N4BP1: variants seen among roughly 807,000 people sequenced by gnomAD.
The protein encoded by N4BP1 is NEDD4-binding protein 1.
In N4BP1, 21 loss-of-function variants were observed where a neutral mutation model predicts 70.9. The observed-to-expected ratio is 0.30, with a 90% confidence interval of 0.21 to 0.43. The LOEUF (loss-of-function observed/expected upper bound fraction) is 0.43. N4BP1 is among the 20% of genes least tolerant of loss of function. The probability of loss-of-function intolerance (pLI) is 1.00; values close to 1 mark genes in which losing one functional copy is unlikely to be tolerated. For synonymous variants in N4BP1, 387 were observed against 394.6 expected, an observed-to-expected ratio of 0.98 and a Z score of 0.23; for missense variants, 936 against 1,069.4, an observed-to-expected ratio of 0.88 and a Z score of 1.74.
chr16:48,598,412 A>C (rs374266740), intron 1 of N4BP1, among the ~76,000 whole-genome samples: 2 of 152,162 alleles, frequency 1.3e-5, no homozygotes, highest in East Asian at 3.9e-4. Context: ...TTTTTAAGGG[A>C]TCATTAATAA....
Position 48,610,142 on chromosome 16 carries a change from A to G in N4BP1, c.-170T>C, listed in dbSNP as rs1964663352. 5.3e-6 allele frequency: 1 copy of G among 189,422 alleles called. No individual in the cohort carries two copies. The highest frequency in any genetic ancestry group is 9.9e-6 in the Non-Finnish European group (1 of 101,394). The allele number at this position is 189,422 out of a possible 1,614,324, so 11.7% of individuals were successfully genotyped here. Reference sequence around the variant, plus strand: ...GGCCCGGCTATACCATCCCGCCACGACCGCAGCAGCTTGGCAATTGCTGGC... The same window carrying G: ...GGCCCGGCTATACCATCCCGCCACGGCCGCAGCAGCTTGGCAATTGCTGGC... On this transcript the variant is annotated 5_prime_UTR_variant, in exon 1 of 7. Coordinates refer to ENST00000262384, the MANE Select transcript of N4BP1 (RefSeq NM_153029.4).
At chr16:48,607,801 TA>T (rs975818749) in intron 1 of N4BP1, among the ~76,000 whole-genome samples, 4 of 152,222 alleles carry the variant, frequency 2.6e-5, no homozygotes, top group African/African-American at 4.8e-5. Flanking sequence ...TCCAACTGAC[TA>T]AAAAAGTTAA....
chr16:48,582,625 G>A (rs1335020266), intron 1 of N4BP1, among the ~76,000 whole-genome samples: 2 of 152,014 alleles, frequency 1.3e-5, no homozygotes, highest in African/African-American at 4.8e-5. Context: ...TCTATTATTA[G>A]TAATTGTCGT....
chr16:48,551,553 T>G (rs2151086323), intron 3 of N4BP1, 71 bp from the exon 4 acceptor site: 2 of 1,085,924 alleles, frequency 1.8e-6, no homozygotes, highest in South Asian at 1.5e-5. Flanking sequence ...GAAATGAAAG[T>G]ACACTCAAAT....
intron 1 of N4BP1, among the ~76,000 whole-genome samples, chr16:48,585,755 G>A (rs1964237472): frequency 6.6e-6 from 1 of 152,008 alleles, no homozygotes; most frequent in Non-Finnish European, 1.5e-5. Flanking sequence ...GCGTGCAGTG[G>A]CATGATCTTG....
intron 1 of N4BP1, among the ~76,000 whole-genome samples, chr16:48,595,834 TAAGTA>T (rs1964404642): frequency 6.6e-6 from 1 of 152,316 alleles, no homozygotes; most frequent in African/African-American, 2.4e-5. Flanking sequence ...TGACCTGTGG[TAAGTA>T]AAGAATGTCA....
intron 5 of N4BP1, among the ~76,000 whole-genome samples, chr16:48,547,475 T>A (rs1963605871): frequency 6.6e-6 from 1 of 152,258 alleles, no homozygotes; most frequent in African/African-American, 2.4e-5. Flanking sequence ...TTATTTTGGA[T>A]GATATCTAAA....
chr16:48,605,622 G>A (rs1597117000), intron 1 of N4BP1, among the ~76,000 whole-genome samples: 1 of 152,032 alleles, frequency 6.6e-6, no homozygotes, highest in Non-Finnish European at 1.5e-5. Context: ...TGCCTCTCTA[G>A]CCCCTGTATT....
At chr16:48,586,683 G>C (rs1023912518) in intron 1 of N4BP1, among the ~76,000 whole-genome samples, 3 of 152,132 alleles carry the variant, frequency 2.0e-5, no homozygotes, top group Non-Finnish European at 4.4e-5. Context: ...ATCTCTGGAG[G>C]TTCCTAAAGG....
At chr16:48,570,830 CTTTT>C (rs753288261) in intron 1 of N4BP1, among the ~76,000 whole-genome samples, 27 of 151,930 alleles carry the variant, frequency 1.8e-4, no homozygotes, top group Non-Finnish European at 3.8e-4. Context: ...TCTTGCTAAA[CTTTT>C]TTTGAGATAA....
At chr16:48,548,237 G>A (rs954153101) in intron 4 of N4BP1, 123 bp from the exon 5 acceptor site, 5 of 655,030 alleles carry the variant, frequency 7.6e-6, no homozygotes, top group Admixed American at 2.9e-5. Context: ...CCAAGGCTAG[G>A]CCACAGAAAA....
intron 1 of N4BP1, among the ~76,000 whole-genome samples, chr16:48,580,212 GAA>G (rs1964156686): frequency 6.6e-6 from 1 of 151,886 alleles, no homozygotes; most frequent in African/African-American, 2.4e-5. Context: ...GCTAGACTAA[GAA>G]AAAAGAGGAG....
rs1963444587 is a variant in N4BP1, at chr16:48,538,884, CAGAGTGGCAAGTGCTCAAAGCGAG to C, written c.*3996_*4019del. On this transcript the variant is annotated 3_prime_UTR_variant, in exon 7 of 7. Transcript: ENST00000262384. ...CACAATCAGTGGCAGCAGCACCAGC[CAGAGTGGCAAGTGCTCAAAGCGAG>C]ACACAAAGTGCTGTGCGGTCACAAC... The C allele has an allele frequency of 6.6e-6, 1 of 152,326 alleles. No individual in the cohort carries two copies. The highest frequency in any genetic ancestry group is 1.5e-5 in the Non-Finnish European group (1 of 68,166). The allele number at this position is 152,326 out of a possible 1,614,324, so 9.4% of individuals were successfully genotyped here.
Position 48,562,138 on chromosome 16 carries a change from C to T in N4BP1, c.505G>A (p.Asp169Asn). The T allele has an allele frequency of 1.2e-6, 2 of 1,614,006 alleles. No individual in the cohort carries two copies. Among genetic ancestry groups the T allele is most frequent in the Non-Finnish European group, 1.7e-6 (2 of 1,179,898 alleles). The change falls in exon 2 of 7, where the codon GAC (aspartate) becomes AAC (asparagine). Residue 169 changes from aspartate (D) to asparagine (N), a missense_variant. Asp to Asn is a conservative substitution (Grantham distance 23, BLOSUM62 1). Around this residue, in one of 4 missense-constraint regions of N4BP1, gnomAD observed 187 missense variants for 217.1 expected, o/e 0.86. Transcript: ENST00000262384. ...EFKQFVEAHA[D>N]NYTMDLLILP... Reference sequence around the variant, plus strand: ...ATCAACAAATCCATTGTGTAATTGTCTGCATGGGCTTCAACAAATTGTTTG... The same window carrying T: ...ATCAACAAATCCATTGTGTAATTGTTTGCATGGGCTTCAACAAATTGTTTG...
intron 1 of N4BP1, among the ~76,000 whole-genome samples, chr16:48,600,914 T>C (rs1428311534): frequency 6.6e-6 from 1 of 152,210 alleles, no homozygotes; most frequent in Non-Finnish European, 1.5e-5. Flanking sequence ...GTTATGCCAA[T>C]TGGATAATGG....
chr16:48,543,378 C>A, intron 6 of N4BP1, 117 bp from the exon 7 acceptor site: 1 of 826,858 alleles, frequency 1.2e-6, no homozygotes, highest in Non-Finnish European at 1.8e-6. Flanking sequence ...CCCTGGCTTC[C>A]AAAGGCAGGA....
At chr16:48,598,993 T>G (rs1378299566) in intron 1 of N4BP1, among the ~76,000 whole-genome samples, 2 of 152,114 alleles carry the variant, frequency 1.3e-5, no homozygotes, top group African/African-American at 4.8e-5. Flanking sequence ...AAATGGATGT[T>G]ATGTCTGGTA....
At position 48,546,464 on chromosome 16, in the gene N4BP1, T is replaced by C. The variant is rs559357094; in HGVS notation, c.2226-210A>G. 9 of 379,556 alleles carry C rather than the reference T, an allele frequency of 2.4e-5. No homozygotes were observed. In the Admixed American group the frequency reaches 4.1e-4, roughly 17 times the overall value. 23.5% of individuals were successfully genotyped at this position (379,556 alleles called of 1,614,324 possible). On this transcript the variant is annotated intron_variant, in intron 5 of 6. Transcript: ENST00000262384. ...ACACAAAAACAATAGTCAGAACGTT[T>C]TATCAGCTGGCCCTCAAATTTCTCA... is the stretch of plus-strand genomic sequence containing the variant.
rs1384421387 is a variant in N4BP1, at chr16:48,542,848, T to C, written c.*56A>G. ...TGTTCATTCCCATCAGGTACAGGTGTGAGCTTGAGTTTGATCAGCCAGCCC... is the reference window on the plus strand; with the variant it reads ...TGTTCATTCCCATCAGGTACAGGTGCGAGCTTGAGTTTGATCAGCCAGCCC... On this transcript the variant is annotated 3_prime_UTR_variant, in exon 7 of 7. Coordinates refer to ENST00000262384, the MANE Select transcript of N4BP1 (RefSeq NM_153029.4). 1 of 1,438,190 alleles carries C rather than the reference T, an allele frequency of 7.0e-7. No homozygotes were observed. The highest frequency in any genetic ancestry group is 9.5e-7 in the Non-Finnish European group (1 of 1,047,258). 89.1% of individuals were successfully genotyped at this position (1,438,190 alleles called of 1,614,324 possible). A position where few individuals can be genotyped will look rare whatever the true frequency, so the allele number is the denominator to read the frequency against.
Sources: allele counts gnomAD v4.1 joint callset (sites outside exome capture counted in the v4.1 genomes callset), GRCh38; gene constraint gnomAD v4.1.1; regional missense constraint gnomAD v4.1.1; transcripts MANE v1.5; gene names NCBI Gene and HGNC (gene_info 2026-07-23, HGNC 2026-07-21).